Variants in GRIP1 observed in about 807,000 individuals in gnomAD.
GRIP1 encodes the protein glutamate receptor-interacting protein 1.
GRIP1 carries 45 observed loss-of-function variants against 129.9 expected under a neutral mutation model. The observed-to-expected ratio is 0.35, with a 90% CI of 0.27 to 0.44. The LOEUF is 0.44. Among genes scored for constraint, GRIP1 ranks in the 20% least tolerant of loss-of-function variants. The pLI, the probability that GRIP1 is intolerant of heterozygous loss-of-function variation, is 1.00. For missense variants in GRIP1, 1,196 were observed against 1,396.8 expected (o/e 0.86, Z 2.29); for synonymous variants, 530 against 520.8 (o/e 1.02, Z -0.24).
chr12:66,500,236 A>C (rs1367085993), intron 7 of GRIP1, among the ~76,000 whole-genome samples: 1 of 152,244 alleles, frequency 6.6e-6, no homozygotes, highest in Non-Finnish European at 1.5e-5. Context: ...GTACAGACTT[A>C]GAACGGTCAC....
At chr12:66,888,222 A>AT (rs11375042) in intron 1 of GRIP1, among the ~76,000 whole-genome samples, 71,901 of 109,986 alleles carry the variant, frequency 0.65, 18,486 homozygotes, top group Middle Eastern at 0.72. Context: ...CACCCAGCTA[A>AT]TTTTTTTTCA....
chr12:66,554,794 G>A (rs1009514700), intron 2 of GRIP1, among the ~76,000 whole-genome samples: 3 of 152,214 alleles, frequency 2.0e-5, no homozygotes, highest in African/African-American at 7.2e-5. Context: ...TGGCCATGGG[G>A]AGAGGCTCCT....
At chr12:66,857,546 C>G (rs1036853039) in intron 1 of GRIP1, among the ~76,000 whole-genome samples, 3 of 141,336 alleles carry the variant, frequency 2.1e-5, no homozygotes, top group African/African-American at 7.8e-5. Context: ...GGGGCTCTGG[C>G]TAGTCTCAGG....
chr12:66,725,753 C>T (rs2036235347), intron 1 of GRIP1, among the ~76,000 whole-genome samples: 1 of 152,162 alleles, frequency 6.6e-6, no homozygotes, highest in Non-Finnish European at 1.5e-5. Context: ...CACTCAAACA[C>T]ACACAGTTTC....
At chr12:66,687,998 C>T (rs2034844320) in intron 1 of GRIP1, among the ~76,000 whole-genome samples, 1 of 152,150 alleles carries the variant, frequency 6.6e-6, no homozygotes, top group Non-Finnish European at 1.5e-5. Flanking sequence ...GCTATCTTAT[C>T]ACCACATGGG....
At chr12:66,539,317 T>G in intron 3 of GRIP1, 94 bp from the exon 4 acceptor site, 1 of 1,534,920 alleles carries the variant, frequency 6.5e-7, no homozygotes, top group Non-Finnish European at 9.0e-7. Context: ...AGCATGCAAG[T>G]GTAGAAGCAA....
chr12:66,956,629 A>G (rs1243318807), intron 1 of GRIP1, among the ~76,000 whole-genome samples: 1 of 152,180 alleles, frequency 6.6e-6, no homozygotes, highest in Admixed American at 6.5e-5. Flanking sequence ...GAGAAGATAC[A>G]TTGAGGCTAT....
At chr12:66,363,201 A>C (rs1272295945) in intron 23 of GRIP1, among the ~76,000 whole-genome samples, 1 of 30,058 alleles carries the variant, frequency 3.3e-5, no homozygotes, top group Non-Finnish European at 8.6e-5. Context: ...GTGTGTGTCC[A>C]TATATATATA....
intron 1 of GRIP1, among the ~76,000 whole-genome samples, chr12:66,775,717 C>T (rs1375966561): frequency 1.3e-5 from 2 of 151,652 alleles, no homozygotes; most frequent in Non-Finnish European, 2.9e-5. Context: ...ATATAATTCA[C>T]CTCTATTTGG....
At chr12:66,438,493 T>A (rs2058376922) in intron 13 of GRIP1, among the ~76,000 whole-genome samples, 1 of 142,562 alleles carries the variant, frequency 7.0e-6, no homozygotes, top group African/African-American at 2.5e-5. Flanking sequence ...CACCGAGTAT[T>A]TTTTTTTTTT....
intron 1 of GRIP1, among the ~76,000 whole-genome samples, chr12:66,857,932 C>T (rs564168351): frequency 5.3e-5 from 8 of 152,056 alleles, no homozygotes; most frequent in Non-Finnish European, 7.4e-5. Context: ...ATATTAATGT[C>T]GAGCACAGAA....
At chr12:66,856,371 T>C (rs987796280) in intron 1 of GRIP1, among the ~76,000 whole-genome samples, 1 of 151,980 alleles carries the variant, frequency 6.6e-6, no homozygotes, top group African/African-American at 2.4e-5. Flanking sequence ...AATTGACAAA[T>C]GGGATCTAAT....
rs2058961890 is a variant in GRIP1 at position 66,456,295 on chromosome 12, T to C, written c.1090A>G (p.Ser364Gly). 2.3e-6 allele frequency: 3 copies of C among 1,289,678 alleles called. No homozygotes were observed. The highest frequency in any genetic ancestry group is 1.5e-5 in the African/African-American group (1 of 65,952). 79.9% of individuals were successfully genotyped at this position (1,289,678 alleles called of 1,614,324 possible). A position where few individuals can be genotyped will look rare whatever the true frequency, so the allele number is the denominator to read the frequency against. ...DRQLTWDSWA[S>G]NHSSLHTNHH... ...TTGGTGTGAAGGCTGCTGTGGTTGC[T>C]GGCCCAGGAATCCCAGGTAAGTTGC... The change falls in exon 10 of 25, where the codon AGC becomes GGC. Residue 364 changes from serine to glycine, a missense_variant. Physicochemically the swap from Ser to Gly is moderately conservative, Grantham distance 56. Coordinates refer to ENST00000359742, the MANE Select transcript of GRIP1 (RefSeq NM_001366722.1).
chr12:66,839,081 T>C (rs932499956), intron 1 of GRIP1, among the ~76,000 whole-genome samples: 1 of 151,992 alleles, frequency 6.6e-6, no homozygotes, highest in Non-Finnish European at 1.5e-5. Flanking sequence ...ATAGCGACTA[T>C]AGCTATGAAA....
At chr12:66,971,563 G>A (rs1284008708) in intron 1 of GRIP1, among the ~76,000 whole-genome samples, 1 of 152,184 alleles carries the variant, frequency 6.6e-6, no homozygotes, top group Non-Finnish European at 1.5e-5. Flanking sequence ...GTAAGGTATG[G>A]TGAAAAAGAC....
At chr12:66,363,696 AC>A (rs1248324658) in intron 23 of GRIP1, among the ~76,000 whole-genome samples, 1 of 152,056 alleles carries the variant, frequency 6.6e-6, no homozygotes, top group South Asian at 2.1e-4. Context: ...ATGTGGATGA[AC>A]CTAGAGGACA....
chr12:66,817,913 C>T (rs961040245), intron 1 of GRIP1, among the ~76,000 whole-genome samples: 4 of 152,154 alleles, frequency 2.6e-5, no homozygotes, highest in African/African-American at 9.7e-5. Context: ...TCAGATTCTA[C>T]ATTCGATCTG....
chr12:66,927,686 T>A (rs947744986), intron 1 of GRIP1, among the ~76,000 whole-genome samples: 2 of 152,212 alleles, frequency 1.3e-5, no homozygotes, highest in Non-Finnish European at 2.9e-5. Context: ...TAAGAGGGGT[T>A]ACCCACCTCG....
intron 1 of GRIP1, among the ~76,000 whole-genome samples, chr12:66,717,029 A>G (rs1454684539): frequency 6.6e-6 from 1 of 152,092 alleles, no homozygotes; most frequent in Non-Finnish European, 1.5e-5. Context: ...TTATAACAGA[A>G]TATGTTCTGA....
Sources: gnomAD v4.1 joint callset for allele counts (sites outside exome capture counted in the v4.1 genomes callset) on GRCh38, gnomAD v4.1.1 for gene constraint, MANE v1.5 for transcripts, NCBI Gene and HGNC (gene_info 2026-07-23, HGNC 2026-07-21) for gene names.